The following E2F3 variants were observed in gnomAD, a reference collection of about 807,000 sequenced individuals.
E2F3 encodes transcription factor E2F3.
In E2F3, 11 loss-of-function variants were observed where a neutral mutation model predicts 44.4. The observed-to-expected ratio is 0.25, with a 90% CI of 0.16 to 0.41. The LOEUF is 0.41. Ranked by LOEUF, E2F3 falls within the 10% of genes least tolerant of loss-of-function variation. E2F3 has a pLI of 1.00. For synonymous variants in E2F3, 249 were observed against 253.0 expected (o/e 0.98, Z 0.15); for missense variants, 487 against 583.6 (o/e 0.83, Z 1.70).
rs542285309 is a variant in E2F3 at position 20,423,993 on chromosome 6, CT to C, written c.393+21369del. Among the ~76,000 whole-genome samples, 5 of 151,204 alleles carry C rather than the reference CT, an allele frequency of 3.3e-5. No homozygotes were observed. The South Asian group carries it at 1.0e-3, about 32-fold the overall frequency. On this transcript the variant is annotated intron_variant, in intron 1 of 6. Coordinates refer to ENST00000346618, the MANE Select transcript of E2F3 (RefSeq NM_001949.5). ...CCATGTTGGTCAGGCTGGTCTCGAA[CT>C]CCTGACCTCAGGTGATCCACCCACC...
At chr6:20,480,093 C>G in intron 2 of E2F3, 136 bp downstream of exon 2, 1 of 1,417,120 alleles carries the variant, frequency 7.1e-7, no homozygotes, top group Non-Finnish European at 9.2e-7. Flanking sequence ...CTGTGCTTAT[C>G]CAAAAAAATA....
At chr6:20,481,567 C>CGAAG in intron 3 of E2F3, 142 bp downstream of exon 3, 1 of 732,406 alleles carries the variant, frequency 1.4e-6, no homozygotes, top group Non-Finnish European at 2.2e-6. Context: ...ATTCTCTCTT[C>CGAAG]CCTCCTCAGC....
At chr6:20,465,359 G>A (rs1333131705) in intron 1 of E2F3, among the ~76,000 whole-genome samples, 2 of 152,140 alleles carry the variant, frequency 1.3e-5, no homozygotes, top group Admixed American at 6.5e-5. Flanking sequence ...CCTTTATGTC[G>A]AGAGACCAGC....
Position 20,490,160 on chromosome 6 carries a change from CT to C in E2F3, c.1136-4del. 1 of 1,551,728 alleles carries C rather than the reference CT, an allele frequency of 6.4e-7. No homozygotes were observed. Among genetic ancestry groups the C allele is most frequent in the South Asian group, 1.2e-5 (1 of 82,892 alleles). On this transcript the variant is annotated splice_polypyrimidine_tract_variant and splice_region_variant and intron_variant, in intron 6 of 6. Transcript: ENST00000346618. This position sits in a 1 kb window ranked among gnomAD's most constrained non-coding sequence, Gnocchi z 4.3. ...TATTTTTTGTTTCCATCAATGTTTT[CT>C]TTTCAGACTTGGCTTCAACCAACTC...
At chr6:20,417,314 T>C (rs1339112172) in intron 1 of E2F3, among the ~76,000 whole-genome samples, 1 of 151,972 alleles carries the variant, frequency 6.6e-6, no homozygotes, top group Non-Finnish European at 1.5e-5. Context: ...GGTACAGTCT[T>C]CCCCCCAATC....
intron 1 of E2F3, among the ~76,000 whole-genome samples, chr6:20,449,347 C>G (rs999149000): frequency 3.3e-5 from 5 of 152,120 alleles, no homozygotes; most frequent in Non-Finnish European, 7.4e-5. Flanking sequence ...TTATGCAAAT[C>G]TTTAAATTTT....
chr6:20,476,505 C>T (rs1185969243), intron 1 of E2F3, among the ~76,000 whole-genome samples: 1 of 152,230 alleles, frequency 6.6e-6, no homozygotes, highest in Non-Finnish European at 1.5e-5. Context: ...AGACCCCTCT[C>T]TCTCCTTCTC....
At chr6:20,482,599 AATATATAT>A (rs148425868) in intron 3 of E2F3, among the ~76,000 whole-genome samples, 155 bp from the exon 4 acceptor site, 56 of 134,498 alleles carry the variant, frequency 4.2e-4, no homozygotes, top group African/African-American at 1.4e-3. Flanking sequence ...TGAAAAAAAA[AATATATAT>A]ATATATATAT....
intron 3 of E2F3, 57 bp downstream of exon 3, chr6:20,481,482 G>T: frequency 1.3e-6 from 2 of 1,489,584 alleles, no homozygotes; most frequent in South Asian, 1.1e-5. Flanking sequence ...AAACTGCCTG[G>T]TTTCTTAGTT....
Position 20,402,705 on chromosome 6 carries a change from G to T in E2F3, c.393+80G>T. Reference sequence around the variant, plus strand: ...GCGCGGGGTCGTGGGCGCGCTGCGGGCCGCTCGGGGAGAGCACTGGGCCGA... The same window carrying T: ...GCGCGGGGTCGTGGGCGCGCTGCGGTCCGCTCGGGGAGAGCACTGGGCCGA... On this transcript the variant is annotated intron_variant, in intron 1 of 6. Transcript: ENST00000346618. This position sits in a 1 kb window ranked among gnomAD's most constrained non-coding sequence, Gnocchi z 5.6. 5 of 1,272,680 alleles carry T rather than the reference G, an allele frequency of 3.9e-6. No individual in the cohort carries two copies. Among genetic ancestry groups the T allele is most frequent in the Non-Finnish European group, 4.9e-6 (5 of 1,012,868 alleles). 78.8% of individuals were successfully genotyped at this position (1,272,680 alleles called of 1,614,324 possible).
chr6:20,402,226 G>A lies in E2F3; in HGVS notation c.-7G>A. 5 of 1,584,712 alleles carry A rather than the reference G, an allele frequency of 3.2e-6. No homozygotes were observed. The highest frequency in any genetic ancestry group is 4.3e-6 in the Non-Finnish European group (5 of 1,171,952). On this transcript the variant is annotated 5_prime_UTR_variant, in exon 1 of 7. Coordinates refer to ENST00000346618, the MANE Select transcript of E2F3 (RefSeq NM_001949.5). This position sits in a 1 kb window ranked among gnomAD's most constrained non-coding sequence, Gnocchi z 5.6. ...TACCATAACACTAAAAAGAGCAGGAGCGAGAGATGAGAAAGGGAATCCAGC... is the reference window on the plus strand; with the variant it reads ...TACCATAACACTAAAAAGAGCAGGAACGAGAGATGAGAAAGGGAATCCAGC...
intron 1 of E2F3, among the ~76,000 whole-genome samples, chr6:20,462,175 G>A (rs1761532528): frequency 6.6e-6 from 1 of 152,062 alleles, no homozygotes; most frequent in Admixed American, 6.5e-5. Context: ...GTTTTACTGT[G>A]GCCTTTTGTT....
At chr6:20,424,213 GTGT>G (rs1561853841) in intron 1 of E2F3, among the ~76,000 whole-genome samples, 3 of 72,414 alleles carry the variant, frequency 4.1e-5, no homozygotes, top group African/African-American at 3.6e-4. Context: ...GTGGAAGGGT[GTGT>G]GTGTGTGTGT....
At position 20,412,908 on chromosome 6, in the gene E2F3, G is replaced by A. The variant is rs144956960; in HGVS notation, c.393+10283G>A. The stretch of plus-strand genomic sequence containing the variant: ...GGTCTATGGGATAATAATAGCTAAT[G>A]TTTATCGAGTGCCCGCATGTATCGA... On this transcript the variant is annotated intron_variant, in intron 1 of 6. Coordinates refer to ENST00000346618, the MANE Select transcript of E2F3 (RefSeq NM_001949.5). 7.8e-3 allele frequency among the ~76,000 whole-genome samples: 1,187 copies of A among 152,296 alleles called. 14 individuals carry two copies. The highest frequency in any genetic ancestry group is 0.026 in the African/African-American group (1,092 of 41,546).
chr6:20,440,584 T>C (rs1760741710), intron 1 of E2F3, among the ~76,000 whole-genome samples: 1 of 152,252 alleles, frequency 6.6e-6, no homozygotes, highest in African/African-American at 2.4e-5. Flanking sequence ...GCTGTTTTTC[T>C]GACTTAGGAT....
rs776914629 is a variant in E2F3 at position 20,486,701 on chromosome 6, T to G, written c.897T>G (p.Val299=). 4 of 1,593,878 alleles carry G rather than the reference T, an allele frequency of 2.5e-6. No homozygotes were observed. The South Asian group carries it at 4.5e-5, about 18-fold the overall frequency. Residue 299 remains valine (V), a synonymous_variant, in exon 5 of 7, where the codon GTT becomes GTG. Transcript: ENST00000346618. The stretch of plus-strand genomic sequence containing the variant: ...TGACACTCTTTACGTTAGCTTATGT[T>G]ACATATCAAGATATTCGAAAAATTA... The part of the protein sequence containing the change: ...EDSENQRLAY[V]TYQDIRKISG...
At position 20,486,683 on chromosome 6, in the gene E2F3, C is replaced by A. The variant is rs192055513; in HGVS notation, c.885-6C>A. ...ATTAGATGGAAGATTCCTTGACACT[C>A]TTTACGTTAGCTTATGTTACATATC... On this transcript the variant is annotated splice_polypyrimidine_tract_variant and splice_region_variant and intron_variant, in intron 4 of 6. Transcript: ENST00000346618. 7.4e-6 allele frequency: 11 copies of A among 1,479,270 alleles called. No individual in the cohort carries two copies. The Admixed American group carries it at 1.9e-4, about 26-fold the overall frequency. 91.6% of individuals were successfully genotyped at this position (1,479,270 alleles called of 1,614,324 possible).
chr6:20,444,793 G>C (rs1760886707), intron 1 of E2F3, among the ~76,000 whole-genome samples: 1 of 152,212 alleles, frequency 6.6e-6, no homozygotes, highest in Non-Finnish European at 1.5e-5. Flanking sequence ...TTTGTTGCTA[G>C]GTCTTGGAAA....
intron 1 of E2F3, among the ~76,000 whole-genome samples, chr6:20,459,194 C>A (rs1761414596): frequency 6.6e-6 from 1 of 152,202 alleles, no homozygotes; most frequent in Non-Finnish European, 1.5e-5. Context: ...CTCACTTGAA[C>A]CCCAGAGGCA....
Sources: allele counts gnomAD v4.1 joint callset (sites outside exome capture counted in the v4.1 genomes callset), GRCh38; gene constraint gnomAD v4.1.1; non-coding constraint Gnocchi (gnomAD v3.1); transcripts MANE v1.5; gene names NCBI Gene and HGNC (gene_info 2026-07-23, HGNC 2026-07-21).